The following TET1 variants were observed in gnomAD, a reference collection of about 807,000 sequenced individuals.
TET1 encodes the protein tet methylcytosine dioxygenase 1.
A neutral mutation model predicts 148.7 loss-of-function variants in TET1; 13 were observed. That is an observed-to-expected ratio of 0.09 (90% CI 0.06 to 0.14). TET1 has a LOEUF of 0.14. Among genes scored for constraint, TET1 ranks in the 10% least tolerant of loss-of-function variants. TET1 has a pLI of 1.00. For missense variants in TET1, 2,182 were observed against 2,553.8 expected (o/e 0.85, Z 3.14); for synonymous variants, 907 against 937.2 (o/e 0.97, Z 0.59).
chr10:68,685,283 ACCTTGGT>A (rs2133231660), intron 10 of TET1, among the ~76,000 whole-genome samples: 1 of 152,298 alleles, frequency 6.6e-6, no homozygotes, highest in Non-Finnish European at 1.5e-5. Context: ...ACTTTGCTTT[ACCTTGGT>A]ATCTATCAAG....
At chr10:68,570,025 C>A (rs10998285) in intron 1 of TET1, among the ~76,000 whole-genome samples, 27,426 of 151,910 alleles carry the variant, frequency 0.18, 2,824 homozygotes, top group African/African-American at 0.27. Flanking sequence ...GTTACATGGG[C>A]ATATTGTGTG....
At chr10:68,624,785 G>A (rs1192917794) in intron 3 of TET1, among the ~76,000 whole-genome samples, 1 of 149,084 alleles carries the variant, frequency 6.7e-6, no homozygotes, top group East Asian at 2.0e-4. Flanking sequence ...AGGCTGGAGT[G>A]CAGTGGCGCA....
chr10:68,686,840 T>G (rs562944509), intron 11 of TET1, 133 bp downstream of exon 11: 2 of 837,630 alleles, frequency 2.4e-6, no homozygotes, highest in Admixed American at 3.2e-5. Flanking sequence ...GAACCAAAAG[T>G]CAACAAAAAA....
intron 3 of TET1, among the ~76,000 whole-genome samples, chr10:68,618,546 C>A (rs1396083129): frequency 6.6e-6 from 1 of 152,118 alleles, no homozygotes; most frequent in African/African-American, 2.4e-5. Context: ...TCAGTGACAA[C>A]CTACTCCTCC....
intron 3 of TET1, among the ~76,000 whole-genome samples, chr10:68,635,512 C>G (rs1016241904): frequency 6.6e-6 from 1 of 152,196 alleles, no homozygotes; most frequent in Non-Finnish European, 1.5e-5. Context: ...CATGTTATTA[C>G]TAGCTCTGCT....
At position 68,693,252 on chromosome 10, in the gene TET1, C is replaced by G. The variant is rs899177807; in HGVS notation, c.*1438C>G. ...AAAGGATTACCCAAACAACATGTTT[C>G]GAACAAGGAGAATTTTCAATGAAAT... On this transcript the variant is annotated 3_prime_UTR_variant, in exon 12 of 12. Transcript: ENST00000373644. 4.3e-6 allele frequency: 1 copy of G among 232,522 alleles called. No homozygotes were observed. Among genetic ancestry groups the G allele is most frequent in the Non-Finnish European group, 8.5e-6 (1 of 117,640 alleles). 14.4% of individuals were successfully genotyped at this position (232,522 alleles called of 1,614,324 possible). A position where few individuals can be genotyped will look rare whatever the true frequency, so the allele number is the denominator to read the frequency against.
At chr10:68,641,506 A>T (rs1170619260) in intron 3 of TET1, among the ~76,000 whole-genome samples, 2 of 143,696 alleles carry the variant, frequency 1.4e-5, no homozygotes, top group East Asian at 2.1e-4. Context: ...ATTTAATTTT[A>T]TTTTATTTGT....
chr10:68,673,081 G>T (rs1252576052), intron 8 of TET1, 36 bp downstream of exon 8: 1 of 1,571,512 alleles, frequency 6.4e-7, no homozygotes, highest in Admixed American at 1.7e-5. Flanking sequence ...ATTTATTTTT[G>T]AATTACACAT....
intron 6 of TET1, among the ~76,000 whole-genome samples, chr10:68,659,093 G>A (rs1349553178): frequency 6.6e-6 from 1 of 152,074 alleles, no homozygotes; most frequent in Non-Finnish European, 1.5e-5. Flanking sequence ...CGGGCGTGGT[G>A]GCATAAGCCT....
At chr10:68,568,299 T>A (rs1337069749) in intron 1 of TET1, among the ~76,000 whole-genome samples, 1 of 143,606 alleles carries the variant, frequency 7.0e-6, no homozygotes, top group Non-Finnish European at 1.5e-5. Flanking sequence ...CTTGGCTCCC[T>A]GCAACCTCCA....
intron 4 of TET1, among the ~76,000 whole-genome samples, chr10:68,649,346 G>A (rs1281059171): frequency 1.3e-5 from 2 of 152,026 alleles, no homozygotes; most frequent in Non-Finnish European, 2.9e-5. Context: ...AGTGGCTCAC[G>A]CCTGTAATCC....
chr10:68,649,600 T>C (rs1977825), intron 4 of TET1, among the ~76,000 whole-genome samples: 27,869 of 142,558 alleles, frequency 0.2, 3,488 homozygotes, highest in African/African-American at 0.36. Flanking sequence ...AGCGAGACTC[T>C]GTCTCAAAAA....
At chr10:68,571,181 G>A (rs1011433261) in intron 1 of TET1, among the ~76,000 whole-genome samples, 5 of 151,562 alleles carry the variant, frequency 3.3e-5, no homozygotes, top group Non-Finnish European at 5.9e-5. Context: ...GTAGAGACAG[G>A]GTTTTGACAC....
At chr10:68,593,581 G>A (rs2053943875) in intron 2 of TET1, among the ~76,000 whole-genome samples, 1 of 151,934 alleles carries the variant, frequency 6.6e-6, no homozygotes. Context: ...GGGACTACAG[G>A]CATGCGCCAC....
intron 3 of TET1, among the ~76,000 whole-genome samples, chr10:68,631,197 G>A (rs933973398): frequency 1.3e-5 from 2 of 152,112 alleles, no homozygotes; most frequent in East Asian, 3.8e-4. Context: ...CAAAACAAAA[G>A]AAATATATTA....
At chr10:68,585,322 C>T (rs747488513) in intron 2 of TET1, among the ~76,000 whole-genome samples, 8 of 151,888 alleles carry the variant, frequency 5.3e-5, no homozygotes, top group Admixed American at 2.6e-4. Context: ...TTAATAGAGA[C>T]GTGATTTCAC....
intron 2 of TET1, among the ~76,000 whole-genome samples, chr10:68,577,380 A>T (rs557786384): frequency 6.6e-5 from 10 of 152,296 alleles, no homozygotes; most frequent in Admixed American, 3.9e-4. Context: ...TTATCAGTTT[A>T]AAAATGCTGA....
chr10:68,661,586 C>G (rs796294051), intron 6 of TET1, among the ~76,000 whole-genome samples: 40 of 151,598 alleles, frequency 2.6e-4, no homozygotes, highest in African/African-American at 9.3e-4. Context: ...CAGGCTCAAG[C>G]AATCCTCCTT....
chr10:68,635,694 T>C (rs1025310258), intron 3 of TET1, among the ~76,000 whole-genome samples: 2 of 152,108 alleles, frequency 1.3e-5, no homozygotes, highest in African/African-American at 4.8e-5. Flanking sequence ...AGGTTTTGCT[T>C]TAGAGTCCTC....
Sources: allele counts gnomAD v4.1 joint callset (sites outside exome capture counted in the v4.1 genomes callset), GRCh38; gene constraint gnomAD v4.1.1; transcripts MANE v1.5; gene names NCBI Gene and HGNC (gene_info 2026-07-23, HGNC 2026-07-21).